The following RBFOX1 variants were observed in gnomAD, a reference collection of about 807,000 sequenced individuals.
The protein encoded by RBFOX1 is RNA binding fox-1 homolog 1, also known as RNA binding protein fox-1 homolog 1.
A neutral mutation model predicts 57.7 loss-of-function variants in RBFOX1; 8 were observed. That is an observed-to-expected ratio of 0.14 (90% CI 0.08 to 0.25). The LOEUF is 0.25. RBFOX1 is among the 10% of genes least tolerant of loss of function. The pLI is 1.00. For missense variants in RBFOX1, 611 were observed against 548.5 expected, an observed-to-expected ratio of 1.11 and a Z score of -1.14; for synonymous variants, 326 against 222.4, an observed-to-expected ratio of 1.47 and a Z score of -4.15.
intron 1 of RBFOX1, among the ~76,000 whole-genome samples, chr16:5,440,648 G>T (rs1232944519): frequency 6.6e-6 from 1 of 152,160 alleles, no homozygotes; most frequent in Non-Finnish European, 1.5e-5. Flanking sequence ...ACTGGCTGGA[G>T]GCTGTGATCT....
At chr16:5,712,803 T>A (rs921610165) in intron 3 of RBFOX1, among the ~76,000 whole-genome samples, 2 of 152,182 alleles carry the variant, frequency 1.3e-5, no homozygotes, top group Non-Finnish European at 2.9e-5. Context: ...GCATTCCTAG[T>A]TTTTAATGCT....
chr16:6,817,706 GA>G (rs572522891), intron 3 of RBFOX1, among the ~76,000 whole-genome samples: 32 of 144,884 alleles, frequency 2.2e-4, no homozygotes, highest in African/African-American at 7.3e-4. Flanking sequence ...CTGTCTCAAA[GA>G]AAAAAAAAAC....
intron 3 of RBFOX1, among the ~76,000 whole-genome samples, chr16:6,943,564 C>T (rs1438443297): frequency 6.6e-6 from 1 of 151,996 alleles, no homozygotes; most frequent in East Asian, 1.9e-4. Flanking sequence ...AAAAATTAGC[C>T]AGGCGCGGTG....
intron 4 of RBFOX1, among the ~76,000 whole-genome samples, chr16:5,933,022 T>C (rs1041444207): frequency 3.3e-5 from 5 of 152,196 alleles, no homozygotes; most frequent in Admixed American, 6.5e-5. Flanking sequence ...TAATAAAATG[T>C]AGAAAGCCCA....
At chr16:5,848,584 G>A (rs1475036742) in intron 3 of RBFOX1, among the ~76,000 whole-genome samples, 1 of 152,128 alleles carries the variant, frequency 6.6e-6, no homozygotes, top group Non-Finnish European at 1.5e-5. Context: ...AGTAGTGATT[G>A]CTCTCAGAAT....
chr16:7,310,861 C>A (rs140801422), intron 4 of RBFOX1, among the ~76,000 whole-genome samples: 11 of 152,208 alleles, frequency 7.2e-5, no homozygotes, highest in African/African-American at 2.7e-4. Context: ...TCCCAGGGAG[C>A]AAAGCAAAGG....
At chr16:7,603,360 G>C (rs2095137215) in intron 9 of RBFOX1, among the ~76,000 whole-genome samples, 1 of 152,190 alleles carries the variant, frequency 6.6e-6, no homozygotes, top group Non-Finnish European at 1.5e-5. Context: ...GGAGATTCAT[G>C]TTGGACAGCA....
At chr16:5,707,728 A>G (rs2051306040) in intron 3 of RBFOX1, among the ~76,000 whole-genome samples, 1 of 152,192 alleles carries the variant, frequency 6.6e-6, no homozygotes, top group Non-Finnish European at 1.5e-5. Context: ...AATAGGAATG[A>G]TACTAATACC....
At chr16:5,400,186 G>A (rs182091943) in intron 1 of RBFOX1, among the ~76,000 whole-genome samples, 4 of 151,972 alleles carry the variant, frequency 2.6e-5, no homozygotes, top group Non-Finnish European at 5.9e-5. Flanking sequence ...CTGCCTCCCG[G>A]GTTCAAGCGA....
At chr16:7,434,736 ATTT>A (rs71147698) in intron 4 of RBFOX1, among the ~76,000 whole-genome samples, 31 of 148,040 alleles carry the variant, frequency 2.1e-4, no homozygotes, top group Admixed American at 8.8e-4. Flanking sequence ...TCTTGTTAAC[ATTT>A]TTTTTTTTTT....
chr16:6,278,799 C>G (rs1288981400), intron 1 of RBFOX1, among the ~76,000 whole-genome samples: 1 of 151,860 alleles, frequency 6.6e-6, no homozygotes, highest in African/African-American at 2.4e-5. Context: ...AATAGAAACT[C>G]GATATTGTTT....
intron 5 of RBFOX1, among the ~76,000 whole-genome samples, chr16:7,564,847 T>G (rs926643302): frequency 6.6e-6 from 1 of 152,118 alleles, no homozygotes; most frequent in Non-Finnish European, 1.5e-5. Context: ...AGTCAGCCCT[T>G]CTCTGTCCTC....
intron 3 of RBFOX1, among the ~76,000 whole-genome samples, chr16:6,951,801 C>G (rs747180090): frequency 6.6e-6 from 1 of 152,036 alleles, no homozygotes; most frequent in Non-Finnish European, 1.5e-5. Flanking sequence ...TGGCATAATC[C>G]AGGCTCACTG....
chr16:6,037,035 T>C (rs2095374305), intron 1 of RBFOX1, among the ~76,000 whole-genome samples: 1 of 152,134 alleles, frequency 6.6e-6, no homozygotes, highest in South Asian at 2.1e-4. Context: ...CACAGAAAGC[T>C]CAGTAGTGAT....
At chr16:5,985,321 T>TG (rs2060265388) in intron 4 of RBFOX1, among the ~76,000 whole-genome samples, 2 of 137,650 alleles carry the variant, frequency 1.5e-5, no homozygotes, top group Non-Finnish European at 3.2e-5. Context: ...GGGGCCATTG[T>TG]CATGGATGCC....
intron 12 of RBFOX1, among the ~76,000 whole-genome samples, chr16:7,654,288 G>A (rs1597383653): frequency 6.6e-6 from 1 of 152,122 alleles, no homozygotes; most frequent in Non-Finnish European, 1.5e-5. Flanking sequence ...TAAGGAGGTT[G>A]GACCACATTT....
chr16:6,123,880 G>A (rs2096569505), intron 1 of RBFOX1, among the ~76,000 whole-genome samples: 2 of 152,206 alleles, frequency 1.3e-5, no homozygotes, highest in Non-Finnish European at 2.9e-5. Flanking sequence ...CTGGGCAACA[G>A]AGCGAGACTC....
At chr16:6,556,538 G>A (rs1048296448) in intron 2 of RBFOX1, among the ~76,000 whole-genome samples, 3 of 152,260 alleles carry the variant, frequency 2.0e-5, no homozygotes, top group African/African-American at 4.8e-5. Flanking sequence ...AATGAAAGAC[G>A]AATCAGCCAT....
chr16:5,651,842 A>G (rs530513965), intron 3 of RBFOX1, among the ~76,000 whole-genome samples: 7 of 152,240 alleles, frequency 4.6e-5, no homozygotes, highest in African/African-American at 1.7e-4. Flanking sequence ...TAATAATAAT[A>G]ATGCTTTTAG....
Sources: allele counts gnomAD v4.1 joint callset (sites outside exome capture counted in the v4.1 genomes callset), GRCh38; gene constraint gnomAD v4.1.1; transcripts MANE v1.5; gene names NCBI Gene and HGNC (gene_info 2026-07-23, HGNC 2026-07-21).